The following ARFGEF1 variants were observed in gnomAD, a reference collection of about 807,000 sequenced individuals.
The protein encoded by ARFGEF1 is ARF guanine nucleotide exchange factor 1, also known as brefeldin A-inhibited guanine nucleotide-exchange protein 1.
In ARFGEF1, 42 loss-of-function variants were observed where a neutral mutation model predicts 231.0. That is an observed-to-expected ratio of 0.18 (90% CI 0.14 to 0.24). The LOEUF is 0.24. Ranked by LOEUF, ARFGEF1 falls within the 10% of genes least tolerant of loss-of-function variation. ARFGEF1 has a pLI of 1.00. For synonymous variants in ARFGEF1, 710 were observed against 732.3 expected (o/e 0.97, Z 0.49); for missense variants, 1,345 against 2,192.0 (o/e 0.61, Z 7.72).
chr8:67,224,792 A>G, intron 29 of ARFGEF1, 111 bp downstream of exon 29: 1 of 675,218 alleles, frequency 1.5e-6, no homozygotes, highest in Non-Finnish European at 2.1e-6. Flanking sequence ...TATATTTGAC[A>G]AAACACTTGA....
chr8:67,231,529 T>C (rs1195488243), intron 23 of ARFGEF1, among the ~76,000 whole-genome samples: 1 of 152,062 alleles, frequency 6.6e-6, no homozygotes, highest in Non-Finnish European at 1.5e-5. Flanking sequence ...TGTGGTCATA[T>C]AAAGTACATT....
In ARFGEF1 at chr8:67,267,189, C is replaced by T; in HGVS notation, c.1714G>A (p.Asp572Asn). The T allele has an allele frequency of 6.2e-7, 1 of 1,613,224 alleles. No individual in the cohort carries two copies. The highest frequency in any genetic ancestry group is 8.5e-7 in the Non-Finnish European group (1 of 1,179,650). ...VVDIYVNYDC[D>N]LNAANIFERL... ...TCAAATATATTGGCTGCATTTAAGT[C>T]ACAGTCATAGTTTACATAAATATCC... The change falls in exon 12 of 39, where the codon GAC (aspartate) becomes AAC (asparagine). Residue 572 changes from aspartate to asparagine, a missense_variant. Asp to Asn is a conservative substitution (Grantham distance 23). This residue lies in a region of ARFGEF1 where 141 missense variants were observed against 259.9 expected (regional missense o/e 0.54). Coordinates refer to ENST00000262215, the MANE Select transcript of ARFGEF1 (RefSeq NM_006421.5).
intron 17 of ARFGEF1, among the ~76,000 whole-genome samples, chr8:67,256,882 A>G (rs372525082): frequency 3.9e-5 from 6 of 152,220 alleles, no homozygotes; most frequent in African/African-American, 9.6e-5. Context: ...ATGTTTAACT[A>G]GAGTACTTCT....
chr8:67,228,963 CAAG>C (rs1235632963), intron 23 of ARFGEF1, among the ~76,000 whole-genome samples: 1 of 151,974 alleles, frequency 6.6e-6, no homozygotes, highest in African/African-American at 2.4e-5. Flanking sequence ...ACGTCACTTT[CAAG>C]AAGGATGACA....
chr8:67,197,232 G>A (rs1838065533), downstream of ARFGEF1, among the ~76,000 whole-genome samples: 1 of 152,014 alleles, frequency 6.6e-6, no homozygotes, highest in South Asian at 2.1e-4. Flanking sequence ...GATCACTTCA[G>A]GTCCAAGAGT....
chr8:67,195,256 A>G, downstream of ARFGEF1: 1 of 729,106 alleles, frequency 1.4e-6, no homozygotes, highest in Non-Finnish European at 2.5e-6. Flanking sequence ...AACAAACAGT[A>G]GAGTTCAGGA....
chr8:67,210,156 A>AC (rs1409542119), intron 34 of ARFGEF1, among the ~76,000 whole-genome samples: 1 of 113,684 alleles, frequency 8.8e-6, no homozygotes, highest in Non-Finnish European at 1.6e-5. Context: ...CTCCGTCTCA[A>AC]AAAAAAAAAA....
At chr8:67,234,848 A>G (rs770471313) in intron 22 of ARFGEF1, among the ~76,000 whole-genome samples, 24 of 152,098 alleles carry the variant, frequency 1.6e-4, no homozygotes, top group Non-Finnish European at 2.6e-4. Context: ...ACAAGTGAAC[A>G]AGAATGAAAG....
Position 67,334,067 on chromosome 8 carries a change from C to T in ARFGEF1, c.124+9097G>A, listed in dbSNP as rs368920654. ...AGGAGAATCACTTGAACCTGGGAAG[C>T]GGAAGTTACAGTGAGCTGAGATCGC... On this transcript the variant is annotated intron_variant, in intron 1 of 38. Transcript: ENST00000262215. Among the ~76,000 whole-genome samples, 29 of 144,446 alleles carry T rather than the reference C, an allele frequency of 2.0e-4. No homozygotes were observed. The South Asian group carries it at 3.9e-3, about 19-fold the overall frequency. The allele number at this position is 144,446 out of a possible 152,430, so 94.8% of individuals were successfully genotyped here.
intron 8 of ARFGEF1, among the ~76,000 whole-genome samples, 188 bp downstream of exon 8, chr8:67,277,094 T>C (rs1805344938): frequency 6.6e-6 from 1 of 151,812 alleles, no homozygotes; most frequent in African/African-American, 2.4e-5. Flanking sequence ...ACTATCAAAA[T>C]ATGAAGGGGA....
chr8:67,212,742 C>G (rs576771570), intron 33 of ARFGEF1, among the ~76,000 whole-genome samples: 3 of 152,086 alleles, frequency 2.0e-5, no homozygotes, highest in Non-Finnish European at 4.4e-5. Context: ...CAAAACAATA[C>G]GTTAGCTTGG....
chr8:67,195,031 C>T (rs1317818324), downstream of ARFGEF1, among the ~76,000 whole-genome samples: 1 of 152,118 alleles, frequency 6.6e-6, no homozygotes, highest in African/African-American at 2.4e-5. Context: ...TAGGCTTCTC[C>T]TGAGGTAACA....
intron 14 of ARFGEF1, 101 bp from the exon 15 acceptor site, chr8:67,260,027 G>C: frequency 1.0e-5 from 7 of 668,462 alleles, no homozygotes; most frequent in Non-Finnish European, 1.8e-5. Flanking sequence ...CCAGAAAATA[G>C]TAGCTTATTT....
intron 22 of ARFGEF1, among the ~76,000 whole-genome samples, chr8:67,233,737 G>C (rs1563853546): frequency 6.6e-6 from 1 of 151,728 alleles, no homozygotes; most frequent in African/African-American, 2.4e-5. Flanking sequence ...CCTTCATTCT[G>C]CTTACTGTTA....
chr8:67,260,896 C>A (rs2128890899), intron 14 of ARFGEF1, among the ~76,000 whole-genome samples: 1 of 152,248 alleles, frequency 6.6e-6, no homozygotes. Flanking sequence ...AACAGCCTAA[C>A]TGCTGATATG....
At chr8:67,333,225 G>A (rs1244781895) in intron 1 of ARFGEF1, among the ~76,000 whole-genome samples, 3 of 151,928 alleles carry the variant, frequency 2.0e-5, no homozygotes, top group Non-Finnish European at 2.9e-5. Context: ...GGTAGAGACA[G>A]GGTTTCACCA....
At chr8:67,195,244 C>CAAAG, downstream of ARFGEF1, 1 of 716,184 alleles carries the variant, frequency 1.4e-6, no homozygotes, top group East Asian at 2.5e-5. Context: ...CTAACCAAAA[C>CAAAG]AAACAAACAG....
intron 29 of ARFGEF1, among the ~76,000 whole-genome samples, chr8:67,223,567 A>C (rs577816930): frequency 4.0e-4 from 61 of 152,308 alleles, no homozygotes; most frequent in African/African-American, 1.4e-3. Context: ...ATCACTGAAC[A>C]AAGTTTACTG....
intron 19 of ARFGEF1, among the ~76,000 whole-genome samples, chr8:67,247,676 C>A (rs910821872): frequency 1.3e-5 from 2 of 150,382 alleles, no homozygotes; most frequent in African/African-American, 5.0e-5. Flanking sequence ...CCTACTTTCA[C>A]CACTGTTATT....
Sources: gnomAD v4.1 joint callset for allele counts (sites outside exome capture counted in the v4.1 genomes callset) on GRCh38, gnomAD v4.1.1 for gene constraint, gnomAD v4.1.1 regional missense constraint, MANE v1.5 for transcripts, NCBI Gene and HGNC (gene_info 2026-07-23, HGNC 2026-07-21) for gene names.